TRAPPC9: variants seen among roughly 807,000 people sequenced by gnomAD.
TRAPPC9 encodes the protein trafficking protein particle complex subunit 9, also known as IKK2 binding protein.
A neutral mutation model predicts 124.0 loss-of-function variants in TRAPPC9; 83 were observed. The observed-to-expected ratio is 0.67, with a 90% CI of 0.56 to 0.80. TRAPPC9 has a LOEUF of 0.80. Ranked by LOEUF, TRAPPC9 falls within the 30% of genes least tolerant of loss-of-function variation. The pLI is 0.00. For synonymous variants in TRAPPC9, 638 were observed against 617.5 expected, an observed-to-expected ratio of 1.03 and a Z score of -0.49; for missense variants, 1,302 against 1,508.3, an observed-to-expected ratio of 0.86 and a Z score of 2.27.
intron 17 of TRAPPC9, among the ~76,000 whole-genome samples, chr8:140,133,041 G>A (rs2061234398): frequency 6.6e-6 from 1 of 152,156 alleles, no homozygotes; most frequent in Non-Finnish European, 1.5e-5. Flanking sequence ...AGGAAGGAAT[G>A]CTTCTAAACA....
At chr8:139,772,176 G>A (rs1025561450) in intron 21 of TRAPPC9, among the ~76,000 whole-genome samples, 3 of 152,204 alleles carry the variant, frequency 2.0e-5, no homozygotes, top group African/African-American at 7.2e-5. Context: ...CGGCCCACAC[G>A]TGTGCACATG....
chr8:140,084,254 T>C (rs1174522087), intron 17 of TRAPPC9, among the ~76,000 whole-genome samples: 3 of 152,202 alleles, frequency 2.0e-5, no homozygotes, highest in Non-Finnish European at 4.4e-5. Flanking sequence ...AGTAAACATG[T>C]TATACTGCTA....
chr8:139,758,279 C>T (rs981901184), intron 21 of TRAPPC9, among the ~76,000 whole-genome samples: 3 of 152,158 alleles, frequency 2.0e-5, no homozygotes, highest in Admixed American at 6.5e-5. Context: ...TGGAGGAGAC[C>T]GCCCTGTGTG....
chr8:139,821,562 C>T (rs1457016200), intron 21 of TRAPPC9, among the ~76,000 whole-genome samples: 1 of 152,248 alleles, frequency 6.6e-6, no homozygotes, highest in Non-Finnish European at 1.5e-5. Context: ...GGTCCTACCC[C>T]AGGGTCCAGA....
chr8:140,315,384 G>A (rs918077184), intron 9 of TRAPPC9, among the ~76,000 whole-genome samples: 2 of 151,834 alleles, frequency 1.3e-5, no homozygotes, highest in Non-Finnish European at 2.9e-5. Context: ...GATTAACAAG[G>A]TCTTCTTGAA....
intron 21 of TRAPPC9, among the ~76,000 whole-genome samples, chr8:139,884,033 G>A (rs1440748876): frequency 1.3e-5 from 2 of 152,168 alleles, no homozygotes; most frequent in Non-Finnish European, 2.9e-5. Context: ...CCATCTTAGG[G>A]CGGCATGGAC....
At chr8:140,205,372 C>T (rs2062895353) in intron 17 of TRAPPC9, among the ~76,000 whole-genome samples, 1 of 152,194 alleles carries the variant, frequency 6.6e-6, no homozygotes, top group Non-Finnish European at 1.5e-5. Flanking sequence ...AGAACCCAAA[C>T]TACAATATGT....
chr8:140,022,648 A>G lies in TRAPPC9; in HGVS notation c.2699+1289T>C, dbSNP rs558782831. ...TGAGAGAGAAACACACAACAGGTTC[A>G]TGATGGAGCAAATGTAATGCTCAGA... On this transcript the variant is annotated intron_variant, in intron 18 of 22. Transcript: ENST00000438773. 5.3e-5 allele frequency among the ~76,000 whole-genome samples: 8 copies of G among 152,342 alleles called. No individual in the cohort carries two copies. In the South Asian group the frequency reaches 6.2e-4, roughly 12 times the overall value.
At chr8:139,900,189 C>A (rs1165001840) in intron 20 of TRAPPC9, among the ~76,000 whole-genome samples, 1 of 152,216 alleles carries the variant, frequency 6.6e-6, no homozygotes, top group Non-Finnish European at 1.5e-5. Flanking sequence ...CCTTTTAGAC[C>A]CTGAGCCCGT....
chr8:139,770,017 G>A (rs1190217190), intron 21 of TRAPPC9, among the ~76,000 whole-genome samples: 1 of 152,244 alleles, frequency 6.6e-6, no homozygotes, highest in Non-Finnish European at 1.5e-5. Context: ...CCACCCGCCA[G>A]TGGTGGGCCA....
intron 18 of TRAPPC9, among the ~76,000 whole-genome samples, chr8:139,998,586 C>G (rs546247188): frequency 2.2e-4 from 33 of 152,158 alleles, no homozygotes; most frequent in East Asian, 1.4e-3. Context: ...GCTGGGCGTG[C>G]TGGTGGGCAC....
chr8:139,741,985 T>C (rs540937657), intron 21 of TRAPPC9, among the ~76,000 whole-genome samples: 1 of 152,364 alleles, frequency 6.6e-6, no homozygotes, highest in East Asian at 1.9e-4. Context: ...TGCACATTTA[T>C]GGAGAAGATT....
intron 17 of TRAPPC9, among the ~76,000 whole-genome samples, chr8:140,191,461 C>G (rs896233929): frequency 6.6e-6 from 1 of 152,100 alleles, no homozygotes. Flanking sequence ...CTGAATGACT[C>G]GGCGCCATCC....
chr8:140,357,083 T>C (rs2067774536), intron 9 of TRAPPC9, among the ~76,000 whole-genome samples: 1 of 152,156 alleles, frequency 6.6e-6, no homozygotes, highest in Non-Finnish European at 1.5e-5. Context: ...GAATGAGGTT[T>C]TCTCCCATGG....
At chr8:139,977,930 C>G (rs940074321) in intron 19 of TRAPPC9, among the ~76,000 whole-genome samples, 2 of 152,046 alleles carry the variant, frequency 1.3e-5, no homozygotes, top group Non-Finnish European at 2.9e-5. Context: ...ATCCACCCAC[C>G]ACGGCCTCCT....
chr8:140,365,271 A>T (rs1343541296), intron 8 of TRAPPC9, among the ~76,000 whole-genome samples: 1 of 152,132 alleles, frequency 6.6e-6, no homozygotes, highest in Non-Finnish European at 1.5e-5. Flanking sequence ...ACTCAGGGAC[A>T]CGGCCAGCAT....
At chr8:140,196,688 A>G (rs1196747625) in intron 17 of TRAPPC9, among the ~76,000 whole-genome samples, 1 of 151,888 alleles carries the variant, frequency 6.6e-6, no homozygotes, top group East Asian at 1.9e-4. Flanking sequence ...AATCCACTGT[A>G]CAGATCACAC....
intron 17 of TRAPPC9, among the ~76,000 whole-genome samples, chr8:140,169,463 A>G (rs973650679): frequency 6.6e-6 from 1 of 152,206 alleles, no homozygotes; most frequent in African/African-American, 2.4e-5. Flanking sequence ...CAGGCATCCA[A>G]GCAAATACAT....
At chr8:140,137,492 G>A (rs113933751) in intron 17 of TRAPPC9, among the ~76,000 whole-genome samples, 164 of 152,294 alleles carry the variant, frequency 1.1e-3, no homozygotes, top group African/African-American at 3.8e-3. Context: ...ACATGGTGGC[G>A]AGCACGTCCT....
Sources: allele counts gnomAD v4.1 joint callset (sites outside exome capture counted in the v4.1 genomes callset), GRCh38; gene constraint gnomAD v4.1.1; transcripts MANE v1.5; gene names NCBI Gene and HGNC (gene_info 2026-07-23, HGNC 2026-07-21).